KLHL32: variants seen among roughly 807,000 people sequenced by gnomAD.
The protein encoded by KLHL32 is kelch like family member 32, also known as kelch-like protein 32.
Under a neutral mutation model 64.8 loss-of-function variants are expected in KLHL32, and 35 were observed. That is an observed-to-expected ratio of 0.54 (90% CI 0.41 to 0.72). KLHL32 has a LOEUF of 0.72. Ranked by LOEUF, KLHL32 falls within the 30% of genes least tolerant of loss-of-function variation. The probability of loss-of-function intolerance (pLI) is 0.00; values close to 1 mark genes in which losing one functional copy is unlikely to be tolerated. For missense variants in KLHL32, 589 were observed against 768.5 expected (o/e 0.77, Z 2.76); for synonymous variants, 259 against 281.0 (o/e 0.92, Z 0.78).
chr6:97,057,066 T>C (rs1336978079), intron 4 of KLHL32, among the ~76,000 whole-genome samples: 3 of 152,112 alleles, frequency 2.0e-5, no homozygotes, highest in Non-Finnish European at 4.4e-5. Context: ...TTTGGGGGAC[T>C]GTTTTAAAAA....
At chr6:97,111,334 G>A (rs780198212) in intron 6 of KLHL32, among the ~76,000 whole-genome samples, 1 of 152,226 alleles carries the variant, frequency 6.6e-6, no homozygotes, top group Non-Finnish European at 1.5e-5. Flanking sequence ...TGTATCCTAG[G>A]CAGGCTCCCA....
intron 3 of KLHL32, among the ~76,000 whole-genome samples, chr6:96,988,028 AG>A (rs1443241245): frequency 6.6e-6 from 1 of 152,260 alleles, no homozygotes; most frequent in African/African-American, 2.4e-5. Flanking sequence ...AATACCATTC[AG>A]GACATAGGCA....
chr6:96,966,336 C>T (rs573885421), intron 1 of KLHL32, among the ~76,000 whole-genome samples: 9 of 152,242 alleles, frequency 5.9e-5, no homozygotes, highest in African/African-American at 1.4e-4. Flanking sequence ...AACAAAGACA[C>T]GGGATGGGGG....
intron 3 of KLHL32, among the ~76,000 whole-genome samples, chr6:96,983,067 T>A (rs1776526091): frequency 6.6e-6 from 1 of 152,264 alleles, no homozygotes; most frequent in Non-Finnish European, 1.5e-5. Flanking sequence ...AATACCTAAT[T>A]TGTTGAGAGT....
intron 10 of KLHL32, among the ~76,000 whole-genome samples, chr6:97,135,595 G>A (rs1051229691): frequency 6.6e-6 from 1 of 152,118 alleles, no homozygotes; most frequent in African/African-American, 2.4e-5. Flanking sequence ...ACTGCATCTG[G>A]ACGATTTGTT....
At chr6:97,028,750 A>G (rs999377886) in intron 3 of KLHL32, among the ~76,000 whole-genome samples, 1 of 152,226 alleles carries the variant, frequency 6.6e-6, no homozygotes, top group African/African-American at 2.4e-5. Context: ...CAGCCTCTTC[A>G]ATTAATTCGA....
chr6:97,095,599 A>G (rs1260661957), intron 6 of KLHL32, among the ~76,000 whole-genome samples: 1 of 152,286 alleles, frequency 6.6e-6, no homozygotes, highest in Admixed American at 6.5e-5. Context: ...CTCCTATTTG[A>G]CCTATACACA....
upstream of KLHL32, among the ~76,000 whole-genome samples, chr6:96,921,502 C>T (rs562715550): frequency 2.7e-4 from 41 of 152,292 alleles, no homozygotes; most frequent in Middle Eastern, 6.8e-3. Flanking sequence ...TAGAGAACAT[C>T]AGCCAAAAAT....
intron 9 of KLHL32, among the ~76,000 whole-genome samples, chr6:97,132,430 C>T (rs910403395): frequency 3.9e-5 from 6 of 152,056 alleles, no homozygotes; most frequent in African/African-American, 1.4e-4. Context: ...ACTTGGCTGG[C>T]TAATAAGTGT....
At chr6:97,015,978 TG>T (rs1781131269) in intron 3 of KLHL32, among the ~76,000 whole-genome samples, 1 of 152,272 alleles carries the variant, frequency 6.6e-6, no homozygotes, top group African/African-American at 2.4e-5. Flanking sequence ...GTTGGGGCTG[TG>T]GGTGCACAGA....
intron 2 of KLHL32, among the ~76,000 whole-genome samples, chr6:96,972,649 C>T (rs570412558): frequency 6.6e-6 from 1 of 152,288 alleles, no homozygotes; most frequent in South Asian, 2.1e-4. Flanking sequence ...TTCTTGCTTT[C>T]AGTCTTTTTT....
intron 3 of KLHL32, among the ~76,000 whole-genome samples, chr6:97,008,280 A>G (rs747227097): frequency 1.1e-4 from 16 of 152,092 alleles, no homozygotes; most frequent in Non-Finnish European, 1.6e-4. Context: ...GTCTGCCAGC[A>G]AAGGAGCTAT....
intron 6 of KLHL32, among the ~76,000 whole-genome samples, chr6:97,111,664 C>T (rs542046993): frequency 6.6e-6 from 1 of 152,306 alleles, no homozygotes; most frequent in East Asian, 1.9e-4. Context: ...CTGTGGATGG[C>T]TTAAATATTA....
chr6:96,922,617 C>T (rs1768784350), upstream of KLHL32, among the ~76,000 whole-genome samples: 1 of 152,174 alleles, frequency 6.6e-6, no homozygotes, highest in Non-Finnish European at 1.5e-5. Flanking sequence ...CCACCTAACA[C>T]ATTCTAGGAG....
chr6:97,118,619 C>CAA (rs376156341), intron 7 of KLHL32, among the ~76,000 whole-genome samples: 1 of 101,322 alleles, frequency 9.9e-6, no homozygotes, highest in Non-Finnish European at 1.9e-5. Flanking sequence ...AACTGCATCT[C>CAA]AAAAAAAAAA....
chr6:97,098,140 A>G (rs1487485577), intron 6 of KLHL32, among the ~76,000 whole-genome samples: 3 of 152,178 alleles, frequency 2.0e-5, no homozygotes, highest in African/African-American at 7.2e-5. Flanking sequence ...TAGGCTAAAA[A>G]CGATACAGAC....
chr6:97,132,696 T>A lies in KLHL32; in HGVS notation c.1650T>A (p.Tyr550Ter). The change falls in exon 10 of 11, where the codon TAT becomes TAA. Residue 550 changes from tyrosine to a stop codon, truncating the protein, a stop_gained. Coordinates refer to ENST00000369261, the MANE Select transcript of KLHL32 (RefSeq NM_052904.4). LOFTEE classifies it high-confidence loss of function. ...SGVAVHNGRI[Y>*]LVGGYSIWTN... is the part of the protein sequence containing the mutation. ...TTGCTGTCCATAATGGGAGAATATA[T>A]TTAGTTGGTGGATATTCAATTTGGA... 1 of 1,613,274 alleles carries A rather than the reference T, an allele frequency of 6.2e-7. No homozygotes were observed. The highest frequency in any genetic ancestry group is 8.5e-7 in the Non-Finnish European group (1 of 1,179,510).
chr6:97,064,754 A>G, intron 5 of KLHL32, 28 bp downstream of exon 5: 1 of 1,538,750 alleles, frequency 6.5e-7, no homozygotes, highest in Non-Finnish European at 9.0e-7. Flanking sequence ...CTGCTCATAC[A>G]CCCTTCACAT....
At chr6:96,954,999 T>TG (rs1773089050) in intron 1 of KLHL32, among the ~76,000 whole-genome samples, 1 of 152,338 alleles carries the variant, frequency 6.6e-6, no homozygotes, top group East Asian at 1.9e-4. Context: ...ATTCAATGTC[T>TG]GGGGAAGACC....
Sources: allele counts gnomAD v4.1 joint callset (sites outside exome capture counted in the v4.1 genomes callset), GRCh38; gene constraint gnomAD v4.1.1; transcripts MANE v1.5; gene names NCBI Gene and HGNC (gene_info 2026-07-23, HGNC 2026-07-21).